PDE6A: variants seen among roughly 807,000 people sequenced by gnomAD.
PDE6A encodes the protein rod cGMP-specific 3',5'-cyclic phosphodiesterase subunit alpha.
Under a neutral mutation model 106.3 loss-of-function variants are expected in PDE6A, and 84 were observed. The ratio of observed to expected loss-of-function variants is 0.79; its 90% confidence interval spans 0.66 to 0.95. The LOEUF is 0.95. PDE6A is among the 40% of genes least tolerant of loss of function. The pLI, the probability that PDE6A is intolerant of heterozygous loss-of-function variation, is 0.00. For missense variants in PDE6A, 1,052 were observed against 1,084.9 expected, an observed-to-expected ratio of 0.97 and a Z score of 0.43; for synonymous variants, 394 against 386.6, an observed-to-expected ratio of 1.02 and a Z score of -0.23.
intron 4 of PDE6A, among the ~76,000 whole-genome samples, chr5:149,922,621 G>T (rs1753756042): frequency 6.6e-6 from 1 of 151,984 alleles, no homozygotes; most frequent in Non-Finnish European, 1.5e-5. Context: ...CCACAACAAA[G>T]TATTAACAAG....
At chr5:149,865,478 T>G (rs1760298321) in intron 20 of PDE6A, among the ~76,000 whole-genome samples, 1 of 151,966 alleles carries the variant, frequency 6.6e-6, no homozygotes, top group Non-Finnish European at 1.5e-5. Flanking sequence ...CTGATGATAG[T>G]GGCAAGCATC....
At chr5:149,914,265 G>GTC (rs1168318627) in intron 6 of PDE6A, among the ~76,000 whole-genome samples, 1 of 152,056 alleles carries the variant, frequency 6.6e-6, no homozygotes, top group African/African-American at 2.4e-5. Flanking sequence ...CACCCTCTGA[G>GTC]TCTCTCTACC....
chr5:149,899,439 A>G lies in PDE6A; in HGVS notation c.1199T>C (p.Val400Ala). 1.9e-6 allele frequency: 3 copies of G among 1,614,026 alleles called. No individual in the cohort carries two copies. The highest frequency in any genetic ancestry group is 2.5e-6 in the Non-Finnish European group (3 of 1,179,910). ...IVNKKEEIVG[V>A]ATFYNRKDGK... ...ATCTTTACGATTGTAAAATGTGGCC[A>G]CTCCAACAATTTCTTCCTTCTTGTT... The change falls in exon 9 of 22, where the codon GTG becomes GCG. Residue 400 changes from valine to alanine, a missense_variant. Transcript: ENST00000255266.
chr5:149,919,631 CTCAG>C (rs1344509565), intron 5 of PDE6A, among the ~76,000 whole-genome samples: 1 of 152,270 alleles, frequency 6.6e-6, no homozygotes, highest in African/African-American at 2.4e-5. Flanking sequence ...CTCACTGTAT[CTCAG>C]TCAAAGTCTT....
chr5:149,909,321 C>G (rs1018955367), intron 6 of PDE6A, among the ~76,000 whole-genome samples: 8 of 152,336 alleles, frequency 5.3e-5, no homozygotes, highest in African/African-American at 1.9e-4. Context: ...CACACCCAGC[C>G]AATTTTTAAA....
intron 8 of PDE6A, among the ~76,000 whole-genome samples, chr5:149,901,962 G>A (rs1752995143): frequency 6.6e-6 from 1 of 152,112 alleles, no homozygotes; most frequent in African/African-American, 2.4e-5. Context: ...AGTAGTGACA[G>A]GGCCCCCAGA....
chr5:149,865,239 C>A (rs74388357), intron 20 of PDE6A, among the ~76,000 whole-genome samples: 507 of 105,106 alleles, frequency 4.8e-3, no homozygotes, highest in South Asian at 7.3e-3. Flanking sequence ...GATTCTGTCT[C>A]AAAAAAAAAA....
At chr5:149,920,979 A>AAAGAAAGAAAGAAAGAAAGAAAG (rs1268668177) in intron 5 of PDE6A, among the ~76,000 whole-genome samples, 2 of 133,038 alleles carry the variant, frequency 1.5e-5, no homozygotes, top group Non-Finnish European at 3.0e-5. Context: ...AGAAAGAAAG[A>AAAGAAAGAAAGAAAGAAAGAAAG]AAGAAAGAAA....
At chr5:149,881,232 C>T (rs1441603814) in intron 17 of PDE6A, among the ~76,000 whole-genome samples, 2 of 152,180 alleles carry the variant, frequency 1.3e-5, no homozygotes, top group African/African-American at 4.8e-5. Context: ...TTCGACCCAA[C>T]ATCTCATTAC....
At chr5:149,866,030 C>G (rs910837415) in intron 20 of PDE6A, 140 bp downstream of exon 20, 9 of 693,428 alleles carry the variant, frequency 1.3e-5, no homozygotes, top group Non-Finnish European at 2.4e-5. Context: ...TCCTGAGAAT[C>G]GAATGCCATT....
chr5:149,906,340 A>G (rs536271533), intron 7 of PDE6A, among the ~76,000 whole-genome samples: 1 of 151,550 alleles, frequency 6.6e-6, no homozygotes, highest in East Asian at 1.9e-4. Flanking sequence ...AGCCTGGCTA[A>G]CATGGCAAAA....
chr5:149,933,011 G>A (rs1754088229), intron 3 of PDE6A, among the ~76,000 whole-genome samples: 2 of 152,126 alleles, frequency 1.3e-5, no homozygotes, highest in South Asian at 4.1e-4. Context: ...TTATTTTTTA[G>A]GGACAGAGTC....
rs144988404 is a variant in PDE6A at position 149,932,670 on chromosome 5, C to A, written c.717+1260G>T. 5.6e-6 allele frequency: 9 copies of A among 1,612,448 alleles called. No individual in the cohort carries two copies. The African/African-American group carries it at 6.7e-5, about 12-fold the overall frequency. On this transcript the variant is annotated intron_variant, in intron 3 of 21. Transcript: ENST00000255266. ...CGAATTCGACTAATTTCTGCCATCTCAGCAGCAGTGGGAGAAGGAAATGCT... is the reference window on the plus strand; with the variant it reads ...CGAATTCGACTAATTTCTGCCATCTAAGCAGCAGTGGGAGAAGGAAATGCT...
At chr5:149,915,219 G>A (rs1331350199) in intron 5 of PDE6A, among the ~76,000 whole-genome samples, 46 of 151,598 alleles carry the variant, frequency 3.0e-4, no homozygotes, top group Admixed American at 3.0e-3. Context: ...ATTTTTAGCA[G>A]AGTCAGGGTT....
chr5:149,895,810 G>A (rs993703594), intron 12 of PDE6A, among the ~76,000 whole-genome samples: 2 of 151,894 alleles, frequency 1.3e-5, no homozygotes, highest in Non-Finnish European at 2.9e-5. Context: ...GAGAGAGAGA[G>A]AAAAAGAAGA....
rs771919928 is a variant in PDE6A at position 149,903,730 on chromosome 5, T to A, written c.1066-35A>T. 7 of 1,584,218 alleles carry A rather than the reference T, an allele frequency of 4.4e-6. No homozygotes were observed. In the South Asian group the frequency reaches 5.5e-5, roughly 13 times the overall value. On this transcript the variant is annotated intron_variant, in intron 7 of 21. Transcript: ENST00000255266. ...GTGAAGGGGAATAATGAAGGTGTGA[T>A]TAGGCCTGAGAGGGTGCCCAGTGAA... is the stretch of plus-strand genomic sequence containing the variant.
chr5:149,944,032 A>AT (rs1004537922), intron 1 of PDE6A, among the ~76,000 whole-genome samples, 168 bp downstream of exon 1: 17 of 151,506 alleles, frequency 1.1e-4, no homozygotes, highest in Non-Finnish European at 2.2e-4. Context: ...TTAAGTTTGA[A>AT]TTTTTTTTTC....
intron 4 of PDE6A, among the ~76,000 whole-genome samples, chr5:149,924,614 G>C (rs1238713828): frequency 6.6e-6 from 1 of 152,140 alleles, no homozygotes; most frequent in African/African-American, 2.4e-5. Flanking sequence ...TTCTGTTCAT[G>C]ATGACTCGTT....
chr5:149,910,874 C>CTTTTTTTTTTTTTTTTT (rs386405293), intron 6 of PDE6A, among the ~76,000 whole-genome samples: 5 of 87,142 alleles, frequency 5.7e-5, no homozygotes, highest in Non-Finnish European at 1.0e-4. Context: ...TTTCTTTTTC[C>CTTTTTTTTTTTTTTTTT]TTTTTTTTTT....
Sources: allele counts gnomAD v4.1 joint callset (sites outside exome capture counted in the v4.1 genomes callset), GRCh38; gene constraint gnomAD v4.1.1; transcripts MANE v1.5; gene names NCBI Gene and HGNC (gene_info 2026-07-23, HGNC 2026-07-21).